Variants in XPO5 observed in about 807,000 individuals in gnomAD.
XPO5 encodes exportin 5.
Under a neutral mutation model 160.6 loss-of-function variants are expected in XPO5, and 46 were observed. That is an observed-to-expected ratio of 0.29 (90% CI 0.23 to 0.37). The LOEUF (loss-of-function observed/expected upper bound fraction) is 0.37, where lower values mean the gene tolerates loss of function less well. Ranked by LOEUF, XPO5 falls within the 10% of genes least tolerant of loss-of-function variation. The pLI, the probability that XPO5 is intolerant of heterozygous loss-of-function variation, is 1.00. For synonymous variants in XPO5, 537 were observed against 519.3 expected, an observed-to-expected ratio of 1.03 and a Z score of -0.46; for missense variants, 1,090 against 1,463.9, an observed-to-expected ratio of 0.74 and a Z score of 4.17.
At position 43,551,290 on chromosome 6, in the gene XPO5, C is replaced by A; in HGVS notation, c.1728+8G>T. ...AAATAAAATTTACAAAGGAGATGGGCTTTATACCTTAGAGAAGACCTGGGG... is the reference window on the plus strand; with the variant it reads ...AAATAAAATTTACAAAGGAGATGGGATTTATACCTTAGAGAAGACCTGGGG... On this transcript the variant is annotated splice_region_variant and intron_variant, in intron 15 of 31. Coordinates refer to ENST00000265351, the MANE Select transcript of XPO5 (RefSeq NM_020750.3). The A allele has an allele frequency of 6.3e-7, 1 of 1,595,430 alleles. No homozygotes were observed.
At position 43,526,583 on chromosome 6, in the gene XPO5, G is replaced by T. The variant is rs1193469160; in HGVS notation, c.2983+102C>A. 3.9e-6 allele frequency: 5 copies of T among 1,288,088 alleles called. No individual in the cohort carries two copies. The African/African-American group carries it at 7.3e-5, about 19-fold the overall frequency. 79.8% of individuals were successfully genotyped at this position (1,288,088 alleles called of 1,614,324 possible). A position where few individuals can be genotyped will look rare whatever the true frequency, so the allele number is the denominator to read the frequency against. On this transcript the variant is annotated intron_variant, in intron 27 of 31. Coordinates refer to ENST00000265351, the MANE Select transcript of XPO5 (RefSeq NM_020750.3). The stretch of plus-strand genomic sequence containing the variant: ...TCCAGAGATGATAACTACATGTAGG[G>T]TGTCTTCTCCTCACCAGACTGCAAG...
chr6:43,531,627 A>G (rs1479811686), intron 21 of XPO5, 52 bp from the exon 22 acceptor site: 34 of 1,466,806 alleles, frequency 2.3e-5, no homozygotes, highest in South Asian at 3.4e-5. Flanking sequence ...AGGAGTCTCA[A>G]TTGGCCAACA....
intron 28 of XPO5, chr6:43,525,623 T>C (rs1025549069): frequency 1.7e-6 from 1 of 573,846 alleles, no homozygotes; most frequent in Non-Finnish European, 3.1e-6. Flanking sequence ...GTGTGCCTAC[T>C]ATGTGTTTTC....
chr6:43,526,776 G>T, intron 26 of XPO5, 29 bp from the exon 27 acceptor site: 1 of 1,609,604 alleles, frequency 6.2e-7, no homozygotes, highest in Non-Finnish European at 8.5e-7. Flanking sequence ...GTTACTAGGT[G>T]AAGGGTGGGT....
In XPO5 at chr6:43,523,683, A is replaced by G. The variant is rs1472777422; in HGVS notation, c.*185T>C. The stretch of plus-strand genomic sequence containing the variant: ...GTTTAAGCCCTAACTCCCTTTCTTG[A>G]TACTTTAGTATAATTACTTCTGGTC... On this transcript the variant is annotated 3_prime_UTR_variant, in exon 32 of 32. Coordinates refer to ENST00000265351, the MANE Select transcript of XPO5 (RefSeq NM_020750.3). 1 of 923,590 alleles carries G rather than the reference A, an allele frequency of 1.1e-6. No individual in the cohort carries two copies. The highest frequency in any genetic ancestry group is 1.7e-5 in the Admixed American group (1 of 59,020). The allele number at this position is 923,590 out of a possible 1,614,324, so 57.2% of individuals were successfully genotyped here.
At chr6:43,552,355 CCTTTT>C (rs1371474023) in intron 14 of XPO5, among the ~76,000 whole-genome samples, 3 of 151,726 alleles carry the variant, frequency 2.0e-5, no homozygotes, top group East Asian at 3.9e-4. Context: ...TGCGCCCCAC[CCTTTT>C]CTTTTTTTTT....
intron 4 of XPO5, 63 bp from the exon 5 acceptor site, chr6:43,570,747 A>C: frequency 1.3e-6 from 2 of 1,535,266 alleles, no homozygotes; most frequent in Non-Finnish European, 1.7e-6. Context: ...GTATATCCAA[A>C]GGCTATTTTC....
chr6:43,561,020 A>G lies in XPO5; in HGVS notation c.1012-13T>C. On this transcript the variant is annotated splice_polypyrimidine_tract_variant and intron_variant, in intron 9 of 31. Transcript: ENST00000265351. ...CAGAATCTGCACCCTGTAGGAGAAG[A>G]CCACTATATTAACGGTGTTGATCGA... 1 of 1,602,874 alleles carries G rather than the reference A, an allele frequency of 6.2e-7. No individual in the cohort carries two copies. The highest frequency in any genetic ancestry group is 8.5e-7 in the Non-Finnish European group (1 of 1,169,894).
chr6:43,567,022 G>A (rs1047883489), intron 7 of XPO5, 147 bp downstream of exon 7: 6 of 754,240 alleles, frequency 8.0e-6, no homozygotes, highest in Non-Finnish European at 1.2e-5. Context: ...GCAAACTCCT[G>A]TCCAAGGGGG....
Position 43,572,512 on chromosome 6 carries a change from A to C in XPO5, c.294T>G (p.Ile98Met), listed in dbSNP as rs767346858. Residue 98 changes from isoleucine to methionine, a missense_variant, in exon 3 of 32, where the codon ATT (isoleucine) becomes ATG (methionine). Ile to Met is a conservative substitution (Grantham distance 10). Coordinates refer to ENST00000265351, the MANE Select transcript of XPO5 (RefSeq NM_020750.3). ...VYLKNSVMELIANGTLNILEE... is the reference protein window; with the variant it reads ...VYLKNSVMELMANGTLNILEE... ...CCAACCACCCATTCCTTACATTTGC[A>C]ATCAGCTCCATGACACTGTTCTTCA... 4 of 1,613,968 alleles carry C rather than the reference A, an allele frequency of 2.5e-6. No individual in the cohort carries two copies. The East Asian group carries it at 8.9e-5, about 36-fold the overall frequency.
chr6:43,558,043 C>T lies in XPO5; in HGVS notation c.1312+458G>A, dbSNP rs144241280. 1.9e-4 allele frequency among the ~76,000 whole-genome samples: 28 copies of T among 150,824 alleles called. No homozygotes were observed. The East Asian group carries it at 5.1e-3, about 27-fold the overall frequency. On this transcript the variant is annotated intron_variant, in intron 12 of 31. Coordinates refer to ENST00000265351, the MANE Select transcript of XPO5 (RefSeq NM_020750.3). Reference sequence around the variant, plus strand: ...CCAGAAGGCAGAGGTTGTGGTGAGCCGAGATCGCGCCATTGCACTCCAGCC... The same window carrying T: ...CCAGAAGGCAGAGGTTGTGGTGAGCTGAGATCGCGCCATTGCACTCCAGCC...
chr6:43,572,918 T>A (rs1763084388), intron 2 of XPO5, among the ~76,000 whole-genome samples: 1 of 152,182 alleles, frequency 6.6e-6, no homozygotes, highest in East Asian at 1.9e-4. Flanking sequence ...TTTCAGAAAA[T>A]GCAGTTTTGA....
Position 43,539,463 on chromosome 6 carries a change from T to C in XPO5, c.2343-5456A>G. 4.4e-6 allele frequency: 7 copies of C among 1,575,960 alleles called. No homozygotes were observed. In the Admixed American group the frequency reaches 6.7e-5, roughly 15 times the overall value. On this transcript the variant is annotated intron_variant, in intron 20 of 31. Coordinates refer to ENST00000265351, the MANE Select transcript of XPO5 (RefSeq NM_020750.3). ...TTAATGGGCAGGGAGAAGAGATAGA[T>C]CTCCTCCAGGGACTTGATCTTCATG...
intron 19 of XPO5, chr6:43,547,272 C>T: frequency 9.9e-6 from 4 of 405,036 alleles, no homozygotes; most frequent in South Asian, 8.5e-5. Flanking sequence ...TAAGCCATCA[C>T]TTAAGACTTT....
Position 43,566,580 on chromosome 6 carries a change from G to C in XPO5, c.834+589C>G, listed in dbSNP as rs1445372177. ...TCCCAGCACTTTAGGAGGCTGAGGA[G>C]GGCAGATCACTTGAGCTCAGGAGTT... is the stretch of plus-strand genomic sequence containing the variant. On this transcript the variant is annotated intron_variant, in intron 7 of 31. Transcript: ENST00000265351. 8.1e-6 allele frequency: 3 copies of C among 371,708 alleles called. No individual in the cohort carries two copies. The East Asian group carries it at 2.4e-4, about 30-fold the overall frequency. The allele number at this position is 371,708 out of a possible 1,614,324, so 23.0% of individuals were successfully genotyped here.
At chr6:43,541,750 A>C (rs1232852713) in intron 20 of XPO5, among the ~76,000 whole-genome samples, 5 of 152,186 alleles carry the variant, frequency 3.3e-5, no homozygotes, top group Non-Finnish European at 4.4e-5. Flanking sequence ...TCAGTACTTC[A>C]TTTTGTAAGT....
At chr6:43,538,771 C>CTTT in intron 20 of XPO5, 1 of 532,650 alleles carries the variant, frequency 1.9e-6, no homozygotes, top group South Asian at 3.1e-5. Flanking sequence ...CTACATTTTT[C>CTTT]TTTTTTTTTT....
chr6:43,575,949 G>C lies in XPO5; in HGVS notation c.-85C>G. 1.5e-6 allele frequency: 2 copies of C among 1,376,694 alleles called. No individual in the cohort carries two copies. Among genetic ancestry groups the C allele is most frequent in the Non-Finnish European group, 2.0e-6 (2 of 993,486 alleles). 85.3% of individuals were successfully genotyped at this position (1,376,694 alleles called of 1,614,324 possible). ...AGCTCCCTCGGCGAGACCACCCGTT[G>C]GTACCGGGCCGCGGCGGGCGGCGGG... On this transcript the variant is annotated 5_prime_UTR_variant, in exon 1 of 32. Transcript: ENST00000265351.
In XPO5 at chr6:43,560,181, G is replaced by T; in HGVS notation, c.1218C>A (p.Val406=). ...KYLRASMTNL[V]KMGFPSKTDS... Reference sequence around the variant, plus strand: ...TGTTTAGATTCCCATTATATACCTTGACCAAGTTAGTCATGGAAGCACGAA... The same window carrying T: ...TGTTTAGATTCCCATTATATACCTTTACCAAGTTAGTCATGGAAGCACGAA... The change falls in exon 11 of 32, where the codon GTC becomes GTA. Residue 406 remains valine (V), a synonymous_variant. Transcript: ENST00000265351. 1 of 1,612,432 alleles carries T rather than the reference G, an allele frequency of 6.2e-7. No homozygotes were observed. The highest frequency in any genetic ancestry group is 1.1e-5 in the South Asian group (1 of 90,780).
Sources: gnomAD v4.1 joint callset for allele counts (sites outside exome capture counted in the v4.1 genomes callset) on GRCh38, gnomAD v4.1.1 for gene constraint, MANE v1.5 for transcripts, NCBI Gene and HGNC (gene_info 2026-07-23, HGNC 2026-07-21) for gene names.